PRUNE2: variants seen among roughly 807,000 people sequenced by gnomAD.
The protein encoded by PRUNE2 is prune homolog 2 with BCH domain.
A neutral mutation model predicts 252.0 loss-of-function variants in PRUNE2; 164 were observed. The observed-to-expected ratio is 0.65, with a 90% CI of 0.57 to 0.74. PRUNE2 has a LOEUF of 0.74. Ranked by LOEUF, PRUNE2 falls within the 30% of genes least tolerant of loss-of-function variation. The pLI is 0.00. For synonymous variants in PRUNE2, 1,292 were observed against 1,350.2 expected, an observed-to-expected ratio of 0.96 and a Z score of 0.94; for missense variants, 3,495 against 3,711.0, an observed-to-expected ratio of 0.94 and a Z score of 1.51.
In PRUNE2 at chr9:76,706,827, T is replaced by A; in HGVS notation, c.5447A>T (p.Gln1816Leu). Residue 1816 changes from glutamine to leucine, a missense_variant, in exon 8 of 19, where the codon CAA becomes CTA. Gln to Leu is a moderately radical substitution (Grantham distance 113). Transcript: ENST00000376718. ...AGCTGAGAAGCCCAGCATTTCCAGT[T>A]GAGAATTATCTTCGTTCTTTGGGAA... Reference protein sequence around the residue: ...ASFPKNEDNSQLEMLGFSADS... With the variant: ...ASFPKNEDNSLLEMLGFSADS... 6.3e-7 allele frequency: 1 copy of A among 1,598,732 alleles called. No individual in the cohort carries two copies. The highest frequency in any genetic ancestry group is 8.5e-7 in the Non-Finnish European group (1 of 1,172,530).
chr9:76,705,106 C>CCAG lies in PRUNE2; in HGVS notation c.7165_7167dup (p.Leu2389dup), dbSNP rs1463576053. On this transcript the variant is annotated inframe_insertion, in exon 8 of 19. Transcript: ENST00000376718. ...AAATCAAAGGGAGGTGTGTACGGTG[C>CCAG]CAGCGACTGCTTCAGAGAATCTTCC... The CCAG allele has an allele frequency of 6.2e-7, 1 of 1,613,966 alleles. No homozygotes were observed. Among genetic ancestry groups the CCAG allele is most frequent in the Non-Finnish European group, 8.5e-7 (1 of 1,179,880 alleles).
At position 76,711,041 on chromosome 9, in the gene PRUNE2, A is replaced by G. The variant is rs1402848221; in HGVS notation, c.1233T>C (p.Asp411=). The G allele has an allele frequency of 1.9e-6, 3 of 1,613,920 alleles. No individual in the cohort carries two copies. Among genetic ancestry groups the G allele is most frequent in the Non-Finnish European group, 2.5e-6 (3 of 1,179,886 alleles). ...NFIENPPDLN[D]SNQAQVDANV... ...TGGCATCCACCTGAGCCTGGTTAGA[A>G]TCATTGAGATCTGGAGGGTTCTCTA... is the stretch of plus-strand genomic sequence containing the variant. Residue 411 remains aspartate, a synonymous_variant, in exon 8 of 19, where the codon GAT becomes GAC. Coordinates refer to ENST00000376718, the MANE Select transcript of PRUNE2 (RefSeq NM_015225.3).
intron 6 of PRUNE2, among the ~76,000 whole-genome samples, chr9:76,770,952 G>A (rs1444018173): frequency 1.3e-5 from 2 of 152,078 alleles, no homozygotes; most frequent in Non-Finnish European, 2.9e-5. Flanking sequence ...ATTAGTAATT[G>A]ATAAACTAAT....
intron 1 of PRUNE2, among the ~76,000 whole-genome samples, chr9:76,894,838 G>C (rs1381938174): frequency 6.6e-6 from 1 of 151,962 alleles, no homozygotes; most frequent in Non-Finnish European, 1.5e-5. Flanking sequence ...TGTCCAACAT[G>C]ATGAAACCCC....
intron 1 of PRUNE2, among the ~76,000 whole-genome samples, chr9:76,893,335 T>C (rs2377811): frequency 0.61 from 92,214 of 152,102 alleles, 28,121 homozygotes; most frequent in South Asian, 0.7. Context: ...ATTGTTAAAA[T>C]AACTCACAGT....
rs2059858158 is a variant in PRUNE2 at position 76,849,806 on chromosome 9, A to T, written c.344+657T>A. Among the ~76,000 whole-genome samples, 3 of 151,964 alleles carry T rather than the reference A, an allele frequency of 2.0e-5. No individual in the cohort carries two copies. The South Asian group carries it at 6.3e-4, about 32-fold the overall frequency. ...GAGCCAATGCACGCCAGCCTGGGCG[A>T]GAGATCGAGACTCTGTCTCAAAAAA... On this transcript the variant is annotated intron_variant, in intron 3 of 18. Coordinates refer to ENST00000376718, the MANE Select transcript of PRUNE2 (RefSeq NM_015225.3).
chr9:76,794,683 C>T (rs2055909446), intron 6 of PRUNE2, among the ~76,000 whole-genome samples: 1 of 151,622 alleles, frequency 6.6e-6, no homozygotes, highest in Non-Finnish European at 1.5e-5. Context: ...GAAGGGGAAT[C>T]CCTGGAAAGA....
chr9:76,780,007 C>T (rs1241117246), intron 6 of PRUNE2: 2 of 152,144 alleles, frequency 1.3e-5, no homozygotes, highest in Non-Finnish European at 2.9e-5. Context: ...CTAGTAAAAT[C>T]CATCGTCAGA....
In PRUNE2 at chr9:76,704,097, C is replaced by T; in HGVS notation, c.7516G>A (p.Ala2506Thr). The stretch of plus-strand genomic sequence containing the variant: ...TCCAATTCTGATATTTCCTTGCTGG[C>T]ACCTAGAAGTGGAAGTTGAAAGTGA... ...AGGDIGPPNG[A>T]SKEISELEEE... The change falls in exon 9 of 19, where the codon GCC becomes ACC. Residue 2506 changes from alanine (A) to threonine (T), a missense_variant and splice_region_variant. Transcript: ENST00000376718. 3.8e-6 allele frequency: 6 copies of T among 1,574,470 alleles called. No homozygotes were observed. The highest frequency in any genetic ancestry group is 1.4e-5 in the African/African-American group (1 of 73,670).
chr9:76,842,603 C>T (rs1350792671), intron 4 of PRUNE2, among the ~76,000 whole-genome samples: 3 of 152,090 alleles, frequency 2.0e-5, no homozygotes, highest in African/African-American at 7.2e-5. Flanking sequence ...GGGCTAATAT[C>T]CAGAATCTAC....
chr9:76,841,632 T>C (rs931183062), intron 4 of PRUNE2, among the ~76,000 whole-genome samples: 1 of 152,212 alleles, frequency 6.6e-6, no homozygotes, highest in Non-Finnish European at 1.5e-5. Flanking sequence ...CCGCCATTAC[T>C]GAGGCTTGAG....
intron 9 of PRUNE2, chr9:76,692,207 C>A: frequency 1.4e-6 from 1 of 715,792 alleles, no homozygotes; most frequent in Non-Finnish European, 2.6e-6. Context: ...TGATCTCTGG[C>A]ACATCTAAAT....
chr9:76,904,050 T>C (rs1381313696), intron 1 of PRUNE2, among the ~76,000 whole-genome samples: 1 of 152,262 alleles, frequency 6.6e-6, no homozygotes, highest in East Asian at 1.9e-4. Context: ...CTAGAAAATG[T>C]AACTTCTCAG....
chr9:76,899,800 G>T (rs1398850369), intron 1 of PRUNE2, among the ~76,000 whole-genome samples: 4 of 152,160 alleles, frequency 2.6e-5, no homozygotes, highest in Admixed American at 6.5e-5. Flanking sequence ...CAGGTGAGGG[G>T]GCTCACTTAG....
intron 1 of PRUNE2, among the ~76,000 whole-genome samples, chr9:76,876,199 TG>T (rs1442910119): frequency 6.6e-6 from 1 of 152,194 alleles, no homozygotes; most frequent in Non-Finnish European, 1.5e-5. Flanking sequence ...AGTAGATAGA[TG>T]GAAATAAAAA....
intron 1 of PRUNE2, among the ~76,000 whole-genome samples, chr9:76,892,838 G>A (rs2062569349): frequency 6.6e-6 from 1 of 152,080 alleles, no homozygotes; most frequent in Non-Finnish European, 1.5e-5. Context: ...CTTATTGCTT[G>A]TTTATTATTT....
At chr9:76,619,193 G>C in intron 18 of PRUNE2, 147 bp downstream of exon 18, 1 of 586,820 alleles carries the variant, frequency 1.7e-6, no homozygotes, top group East Asian at 2.9e-5. Flanking sequence ...GGCAAATATA[G>C]CTTCAGGTTT....
chr9:76,853,454 T>C lies in PRUNE2; in HGVS notation c.141+650A>G, dbSNP rs115360297. ...CATTATCATGAGCTCATGAATTTTA[T>C]AGATTTCAAGTTTTAAAGCAATTTG... On this transcript the variant is annotated intron_variant, in intron 2 of 18. Transcript: ENST00000376718. 6.4e-3 allele frequency among the ~76,000 whole-genome samples: 970 copies of C among 152,356 alleles called. 11 individuals carry two copies. Among genetic ancestry groups the C allele is most frequent in the African/African-American group, 0.022 (934 of 41,592 alleles).
intron 9 of PRUNE2, among the ~76,000 whole-genome samples, chr9:76,666,936 C>A (rs576122326): frequency 5.9e-5 from 9 of 151,926 alleles, no homozygotes; most frequent in Non-Finnish European, 1.2e-4. Flanking sequence ...ATCCCGGGTA[C>A]TTGGGAGGCT....
Sources: allele counts gnomAD v4.1 joint callset (sites outside exome capture counted in the v4.1 genomes callset), GRCh38; gene constraint gnomAD v4.1.1; transcripts MANE v1.5; gene names NCBI Gene and HGNC (gene_info 2026-07-23, HGNC 2026-07-21).